The following GCH1 variants were observed in gnomAD, a reference collection of about 807,000 sequenced individuals.
GCH1 encodes the protein GTP cyclohydrolase I.
A neutral mutation model predicts 25.9 loss-of-function variants in GCH1; 5 were observed. The observed-to-expected ratio is 0.19, with a 90% CI of 0.10 to 0.41. The LOEUF is 0.41. Among genes scored for constraint, GCH1 ranks in the 10% least tolerant of loss-of-function variants. GCH1 has a pLI of 1.00. For missense variants in GCH1, 261 were observed against 336.5 expected, an observed-to-expected ratio of 0.78 and a Z score of 1.75; for synonymous variants, 159 against 129.6, an observed-to-expected ratio of 1.23 and a Z score of -1.54.
chr14:54,899,819 C>G (rs1313049077), intron 1 of GCH1, among the ~76,000 whole-genome samples: 1 of 152,038 alleles, frequency 6.6e-6, no homozygotes, highest in African/African-American at 2.4e-5. Context: ...CCCCTCTTCT[C>G]GCCAGTCCCT....
chr14:54,846,780 G>A (rs1329631043), intron 4 of GCH1, among the ~76,000 whole-genome samples: 2 of 152,164 alleles, frequency 1.3e-5, no homozygotes, highest in Non-Finnish European at 2.9e-5. Flanking sequence ...GTTTTCTGTA[G>A]CCAGGCACAG....
chr14:54,869,004 G>C (rs955133152), intron 1 of GCH1, among the ~76,000 whole-genome samples: 2 of 152,062 alleles, frequency 1.3e-5, no homozygotes, highest in African/African-American at 2.4e-5. Context: ...CTCCCAAGTA[G>C]CTGGGACTAC....
chr14:54,876,736 AAGG>A (rs2040167273), intron 1 of GCH1, among the ~76,000 whole-genome samples: 1 of 152,082 alleles, frequency 6.6e-6, no homozygotes, highest in African/African-American at 2.4e-5. Context: ...ATGAAAGTGG[AAGG>A]AGGAGCTATG....
intron 1 of GCH1, among the ~76,000 whole-genome samples, chr14:54,877,925 T>G (rs2040186848): frequency 6.6e-6 from 1 of 152,132 alleles, no homozygotes; most frequent in South Asian, 2.1e-4. Flanking sequence ...ACCTGAGAAT[T>G]TGCATTTCTA....
intron 3 of GCH1, among the ~76,000 whole-genome samples, chr14:54,852,593 A>C (rs1217629865): frequency 6.6e-6 from 1 of 152,218 alleles, no homozygotes; most frequent in African/African-American, 2.4e-5. Flanking sequence ...AAAACATGCA[A>C]ACTCCACACA....
chr14:54,900,269 G>A (rs1047834955), intron 1 of GCH1, among the ~76,000 whole-genome samples: 1 of 151,814 alleles, frequency 6.6e-6, no homozygotes, highest in African/African-American at 2.4e-5. Context: ...GAGTGCAGTG[G>A]TGCAATCTCG....
chr14:54,878,166 G>A (rs151262959), intron 1 of GCH1: 1 of 154,788 alleles, frequency 6.5e-6, no homozygotes, highest in African/African-American at 2.4e-5. Context: ...GGAAATTTCT[G>A]TCCAATGGAG....
intron 1 of GCH1, among the ~76,000 whole-genome samples, chr14:54,873,947 C>G (rs1434783689): frequency 6.6e-6 from 1 of 152,180 alleles, no homozygotes; most frequent in African/African-American, 2.4e-5. Flanking sequence ...CCTTCTGAAA[C>G]TATTCCAATC....
chr14:54,890,059 A>T (rs1206452867), intron 1 of GCH1, among the ~76,000 whole-genome samples: 3 of 152,216 alleles, frequency 2.0e-5, no homozygotes, highest in Non-Finnish European at 4.4e-5. Flanking sequence ...AGGACAAGCT[A>T]GGAGGCAAGA....
intron 1 of GCH1, among the ~76,000 whole-genome samples, chr14:54,882,461 T>C (rs931415208): frequency 2.6e-5 from 4 of 152,276 alleles, no homozygotes; most frequent in African/African-American, 9.6e-5. Flanking sequence ...TGAATATTTC[T>C]GGTAGACCAA....
chr14:54,900,922 C>T (rs2140125063), intron 1 of GCH1, among the ~76,000 whole-genome samples: 1 of 151,588 alleles, frequency 6.6e-6, no homozygotes. Flanking sequence ...AAGAGCTGAT[C>T]CCACAGAAAA....
chr14:54,856,811 C>T (rs1168175416), intron 3 of GCH1, among the ~76,000 whole-genome samples: 1 of 152,116 alleles, frequency 6.6e-6, no homozygotes, highest in Non-Finnish European at 1.5e-5. Flanking sequence ...TTTTCAGCAA[C>T]AAAAGAAAGT....
intron 1 of GCH1, among the ~76,000 whole-genome samples, chr14:54,889,252 C>T (rs117863726): frequency 0.026 from 4,021 of 152,314 alleles, 78 homozygotes; most frequent in South Asian, 0.092. Context: ...AACTAGTCAG[C>T]GACCTCACTG....
intron 1 of GCH1, among the ~76,000 whole-genome samples, chr14:54,898,325 AC>A (rs1482581511): frequency 6.6e-6 from 1 of 152,194 alleles, no homozygotes; most frequent in Non-Finnish European, 1.5e-5. Context: ...TAGGGCACTT[AC>A]CATGAAAGGA....
chr14:54,851,505 A>T (rs546490832), intron 3 of GCH1, among the ~76,000 whole-genome samples: 46 of 152,212 alleles, frequency 3.0e-4, no homozygotes, highest in Non-Finnish European at 5.0e-4. Flanking sequence ...GAATCTACAA[A>T]GAACTTTAAC....
intron 1 of GCH1, among the ~76,000 whole-genome samples, chr14:54,881,300 G>T (rs190208164): frequency 1.1e-4 from 17 of 152,018 alleles, no homozygotes; most frequent in Admixed American, 1.3e-4. Context: ...CCAGCTTCAC[G>T]CAGTGCTGCA....
At chr14:54,892,215 C>T (rs1489776015) in intron 1 of GCH1, among the ~76,000 whole-genome samples, 1 of 152,176 alleles carries the variant, frequency 6.6e-6, no homozygotes, top group Non-Finnish European at 1.5e-5. Flanking sequence ...GTAGAAGACA[C>T]AAACAGAAAT....
At chr14:54,875,493 A>G (rs1276296776) in intron 1 of GCH1, among the ~76,000 whole-genome samples, 1 of 152,236 alleles carries the variant, frequency 6.6e-6, no homozygotes, top group East Asian at 1.9e-4. Context: ...TAAACTAAAG[A>G]GCTTCTGCAC....
At chr14:54,879,766 G>A (rs527718994) in intron 1 of GCH1, among the ~76,000 whole-genome samples, 55 of 151,994 alleles carry the variant, frequency 3.6e-4, no homozygotes, top group Middle Eastern at 3.4e-3. Context: ...TTCGGAGGCC[G>A]ATGAGGGCAG....
Sources: gnomAD v4.1 joint callset for allele counts (sites outside exome capture counted in the v4.1 genomes callset) on GRCh38, gnomAD v4.1.1 for gene constraint, MANE v1.5 for transcripts, NCBI Gene and HGNC (gene_info 2026-07-23, HGNC 2026-07-21) for gene names.